Variants in GSE1 observed in about 807,000 individuals in gnomAD.
GSE1 encodes genetic suppressor element 1.
GSE1 carries 32 observed loss-of-function variants against 112.6 expected under a neutral mutation model. That is an observed-to-expected ratio of 0.28 (90% confidence interval 0.21 to 0.38). The LOEUF is 0.38. GSE1 is among the 10% of genes least tolerant of loss of function. GSE1 has a pLI of 1.00. For missense variants in GSE1, 2,348 were observed against 1,699.2 expected, an observed-to-expected ratio of 1.38 and a Z score of -6.71; for synonymous variants, 1,115 against 735.6, an observed-to-expected ratio of 1.52 and a Z score of -8.35.
At chr16:85,452,026 G>T (rs902771559) in intron 2 of GSE1, among the ~76,000 whole-genome samples, 1 of 151,882 alleles carries the variant, frequency 6.6e-6, no homozygotes, top group African/African-American at 2.4e-5. Flanking sequence ...AGCAAGAAGC[G>T]TCCCCACCCA....
chr16:85,477,238 C>CG (rs1022907494), intron 2 of GSE1, among the ~76,000 whole-genome samples: 2 of 152,146 alleles, frequency 1.3e-5, no homozygotes, highest in African/African-American at 2.4e-5. Context: ...GAGCTGACCC[C>CG]GGGGGGCACT....
chr16:85,449,133 G>A (rs568004956), intron 2 of GSE1, among the ~76,000 whole-genome samples: 119 of 152,328 alleles, frequency 7.8e-4, no homozygotes, highest in Middle Eastern at 6.8e-3. Context: ...GCAGCTGGCC[G>A]GGGTGCCCTG....
intron 1 of GSE1, among the ~76,000 whole-genome samples, chr16:85,277,125 C>T (rs1196660860): frequency 2.0e-5 from 3 of 152,100 alleles, no homozygotes; most frequent in Non-Finnish European, 4.4e-5. Context: ...CCTGGCCCAT[C>T]AGAGGCCCCT....
At chr16:85,380,612 G>A (rs1239869754) in intron 2 of GSE1, among the ~76,000 whole-genome samples, 2 of 152,148 alleles carry the variant, frequency 1.3e-5, no homozygotes, top group Non-Finnish European at 2.9e-5. Flanking sequence ...CATCTCAGAC[G>A]TTTGATCTGT....
chr16:85,324,485 G>C (rs930082948), intron 1 of GSE1, among the ~76,000 whole-genome samples: 2 of 150,582 alleles, frequency 1.3e-5, no homozygotes, highest in African/African-American at 2.5e-5. Flanking sequence ...ACTCCAGCCT[G>C]GGTGACAGAG....
At chr16:85,220,805 G>A (rs968232037) in intron 1 of GSE1, among the ~76,000 whole-genome samples, 1 of 151,986 alleles carries the variant, frequency 6.6e-6, no homozygotes, top group African/African-American at 2.4e-5. Flanking sequence ...ATCTCTCTCA[G>A]TATGTGTCTC....
At chr16:85,175,315 C>T (rs1437634885) in intron 1 of GSE1, among the ~76,000 whole-genome samples, 1 of 152,200 alleles carries the variant, frequency 6.6e-6, no homozygotes, top group African/African-American at 2.4e-5. Flanking sequence ...GAAGCCTGCT[C>T]TTCTGGGCTG....
chr16:85,518,838 G>A (rs1295250468), intron 2 of GSE1, among the ~76,000 whole-genome samples: 3 of 152,092 alleles, frequency 2.0e-5, no homozygotes, highest in Non-Finnish European at 2.9e-5. Context: ...AGATACCCAC[G>A]CAGGAAGGAA....
At chr16:85,271,763 G>T (rs556142217) in intron 1 of GSE1, among the ~76,000 whole-genome samples, 67 of 152,298 alleles carry the variant, frequency 4.4e-4, no homozygotes, top group African/African-American at 1.4e-3. Context: ...GAGGGGAAGT[G>T]GGGAGAGCAG....
chr16:85,608,112 A>G (rs927235525), upstream of GSE1, among the ~76,000 whole-genome samples: 9 of 152,164 alleles, frequency 5.9e-5, no homozygotes, highest in African/African-American at 1.9e-4. Flanking sequence ...AAGAGATAAG[A>G]TGTAAGCCGG....
rs753909253 is a variant in GSE1 at position 85,661,657 on chromosome 16, C to T, written c.2152C>T (p.Arg718Trp). 9.9e-6 allele frequency: 16 copies of T among 1,611,030 alleles called. No homozygotes were observed. The highest frequency in any genetic ancestry group is 3.3e-5 in the Admixed American group (2 of 59,924). ...PGSPYRPPVP[R>W]APDPAYIYDE... Reference sequence around the variant, plus strand: ...CTCGCCCTACCGGCCCCCAGTGCCACGGGCCCCCGACCCTGCCTACATCTA... The same window carrying T: ...CTCGCCCTACCGGCCCCCAGTGCCATGGGCCCCCGACCCTGCCTACATCTA... Residue 718 changes from arginine to tryptophan, a missense_variant, in exon 9 of 16, where the codon CGG becomes TGG. Coordinates refer to ENST00000253458, the MANE Select transcript of GSE1 (RefSeq NM_014615.5).
At chr16:85,555,723 G>A, upstream of GSE1, 3 of 973,840 alleles carry the variant, frequency 3.1e-6, no homozygotes, top group Non-Finnish European at 3.6e-6. Context: ...AACCCTGTTG[G>A]AAACAGGTCT....
chr16:85,416,288 G>C (rs1490737423), intron 2 of GSE1, among the ~76,000 whole-genome samples: 3 of 152,240 alleles, frequency 2.0e-5, no homozygotes, highest in Non-Finnish European at 2.9e-5. Context: ...CAGCCTGCTG[G>C]AGGAGGGAGG....
intron 2 of GSE1, among the ~76,000 whole-genome samples, chr16:85,402,002 G>A (rs899404141): frequency 9.2e-5 from 14 of 152,238 alleles, no homozygotes; most frequent in Admixed American, 8.5e-4. Flanking sequence ...GACAGCAGCT[G>A]CGCTCCATGC....
intron 1 of GSE1, among the ~76,000 whole-genome samples, chr16:85,198,371 T>C (rs10083744): frequency 0.37 from 56,871 of 152,084 alleles, 11,114 homozygotes; most frequent in Middle Eastern, 0.48. Context: ...GAACGTGTTT[T>C]CTAGGCCCCA....
chr16:85,335,877 GGA>G (rs2046471852), intron 1 of GSE1, among the ~76,000 whole-genome samples: 1 of 152,200 alleles, frequency 6.6e-6, no homozygotes, highest in South Asian at 2.1e-4. Flanking sequence ...CGTCCAGTGT[GGA>G]GTTTCCCTGC....
In GSE1 at chr16:85,672,564, C is replaced by A. The variant is rs1161051188; in HGVS notation, c.*25C>A. On this transcript the variant is annotated 3_prime_UTR_variant, in exon 16 of 16. Transcript: ENST00000253458. ...ACGGTTTCCCTTGCACTAGGCCGAACCTATAGTATAGAAATATTATCTATT... is the reference window on the plus strand; with the variant it reads ...ACGGTTTCCCTTGCACTAGGCCGAAACTATAGTATAGAAATATTATCTATT... 2.0e-6 allele frequency: 3 copies of A among 1,519,100 alleles called. No individual in the cohort carries two copies. The highest frequency in any genetic ancestry group is 4.6e-5 in the East Asian group (2 of 43,608). The allele number at this position is 1,519,100 out of a possible 1,614,324, so 94.1% of individuals were successfully genotyped here.
At chr16:85,525,978 G>A (rs746253542) in intron 2 of GSE1, among the ~76,000 whole-genome samples, 34 of 152,276 alleles carry the variant, frequency 2.2e-4, no homozygotes, top group Non-Finnish European at 4.0e-4. Flanking sequence ...TGACTCTGCC[G>A]GGGTAGAAAG....
At chr16:85,657,123 C>T (rs1331738046) in intron 7 of GSE1, among the ~76,000 whole-genome samples, 154 bp from the exon 8 acceptor site, 1 of 152,180 alleles carries the variant, frequency 6.6e-6, no homozygotes, top group Non-Finnish European at 1.5e-5. Context: ...TTGAAAGCTC[C>T]CGTAGGGCCC....
Sources: allele counts gnomAD v4.1 joint callset (sites outside exome capture counted in the v4.1 genomes callset), GRCh38; gene constraint gnomAD v4.1.1; transcripts MANE v1.5; gene names NCBI Gene and HGNC (gene_info 2026-07-23, HGNC 2026-07-21).